Variants in ATRX observed in about 807,000 individuals in gnomAD.
ATRX encodes chromatin remodeler ATRX.
ATRX carries 12 observed loss-of-function variants against 172.6 expected under a neutral mutation model. The observed-to-expected ratio is 0.07, with a 90% confidence interval of 0.04 to 0.11. ATRX has a LOEUF of 0.11. ATRX is among the 10% of genes least tolerant of loss of function. The pLI, the probability that ATRX is intolerant of heterozygous loss-of-function variation, is 1.00. For synonymous variants in ATRX, 674 were observed against 594.7 expected (o/e 1.13, Z -1.94); for missense variants, 1,368 against 1,767.4 (o/e 0.77, Z 4.05).
At chrX:77,617,556 C>T (rs1224769003) in intron 21 of ATRX, among the ~76,000 whole-genome samples, 1 of 111,063 alleles carries the variant, frequency 9.0e-6, no homozygotes, top group Non-Finnish European at 1.9e-5. Context: ...TATAAACATC[C>T]TCCCATATAC....
intron 10 of ATRX, chrX:77,674,726 A>G (rs1429314490): frequency 1.8e-5 from 2 of 111,319 alleles, no homozygotes; most frequent in Non-Finnish European, 3.8e-5. Flanking sequence ...CTCATGATGT[A>G]TAGAAAATCA....
At chrX:77,643,298 C>T (rs990274749) in intron 15 of ATRX, among the ~76,000 whole-genome samples, 9 of 110,749 alleles carry the variant, frequency 8.1e-5, no homozygotes, top group African/African-American at 2.6e-4. Flanking sequence ...ACAACTGCAA[C>T]GTGACTACAG....
At chrX:77,554,643 C>T (rs1424094028) in intron 30 of ATRX, among the ~76,000 whole-genome samples, 18 of 111,738 alleles carry the variant, frequency 1.6e-4, no homozygotes, top group African/African-American at 5.9e-4. Flanking sequence ...CTCATTCACA[C>T]TTGATTCTTC....
chrX:77,671,602 T>C (rs2070621875), intron 10 of ATRX, among the ~76,000 whole-genome samples: 1 of 110,448 alleles, frequency 9.1e-6, no homozygotes, highest in Non-Finnish European at 1.9e-5. Flanking sequence ...TCATATTAAA[T>C]AACTAGTTCA....
At chrX:77,622,550 GAGGGTA>G (rs2067639684) in intron 19 of ATRX, among the ~76,000 whole-genome samples, 1 of 111,607 alleles carries the variant, frequency 9.0e-6, no homozygotes, top group African/African-American at 3.3e-5. Flanking sequence ...CATCAGAGCA[GAGGGTA>G]AAACTCCACA....
chrX:77,778,479 T>C (rs1557203766), intron 1 of ATRX, among the ~76,000 whole-genome samples: 1 of 108,734 alleles, frequency 9.2e-6, no homozygotes, highest in Non-Finnish European at 1.9e-5. Context: ...TCCCAGCACT[T>C]TGGGAGGCCA....
chrX:77,678,469 A>G (rs1489780618), intron 9 of ATRX, among the ~76,000 whole-genome samples: 1 of 111,645 alleles, frequency 9.0e-6, no homozygotes, highest in Non-Finnish European at 1.9e-5. Context: ...GTGTAGCCCC[A>G]TTATAGTTTG....
intron 2 of ATRX, among the ~76,000 whole-genome samples, chrX:77,713,637 G>T (rs912107070): frequency 9.0e-6 from 1 of 111,711 alleles, no homozygotes; most frequent in Non-Finnish European, 1.9e-5. Flanking sequence ...GGAAAAAATT[G>T]TAAGTATATA....
chrX:77,648,522 A>G (rs1233411904), intron 15 of ATRX, among the ~76,000 whole-genome samples: 1 of 111,455 alleles, frequency 9.0e-6, no homozygotes, highest in Non-Finnish European at 1.9e-5. Flanking sequence ...AGAACAGAAA[A>G]TAAGTCCAAA....
chrX:77,735,865 A>G (rs1245950390), intron 1 of ATRX, among the ~76,000 whole-genome samples: 1 of 108,388 alleles, frequency 9.2e-6, no homozygotes, highest in African/African-American at 3.3e-5. Flanking sequence ...TCAGACGGGC[A>G]TGGTGGTGGG....
intron 19 of ATRX, among the ~76,000 whole-genome samples, chrX:77,627,649 G>C (rs2067928106): frequency 9.4e-6 from 1 of 106,253 alleles, no homozygotes; most frequent in Non-Finnish European, 1.9e-5. Context: ...TCTAGGTGTT[G>C]TCAGGAGTTC....
In ATRX at chrX:77,684,610, A is replaced by T. The variant is rs782155630; in HGVS notation, c.663-17T>A. On this transcript the variant is annotated splice_polypyrimidine_tract_variant and intron_variant, in intron 8 of 34. Coordinates refer to ENST00000373344, the MANE Select transcript of ATRX (RefSeq NM_000489.6). ...GCACACCACCTGAAATGTTTTAAAGATTAAAACATTATTCCCTTCTTTCAG... is the reference window on the plus strand; with the variant it reads ...GCACACCACCTGAAATGTTTTAAAGTTTAAAACATTATTCCCTTCTTTCAG... The T allele has an allele frequency of 1.7e-6, 2 of 1,179,569 alleles. No individual in the cohort carries two copies. The highest frequency in any genetic ancestry group is 2.3e-6 in the Non-Finnish European group (2 of 867,478).
intron 27 of ATRX, among the ~76,000 whole-genome samples, chrX:77,587,791 T>C (rs1445479493): frequency 8.9e-6 from 1 of 112,481 alleles, no homozygotes; most frequent in African/African-American, 3.2e-5. Context: ...ATGTATACTC[T>C]GCAAACTATA....
At chrX:77,539,711 A>G (rs1002067186) in intron 30 of ATRX, among the ~76,000 whole-genome samples, 3 of 112,064 alleles carry the variant, frequency 2.7e-5, no homozygotes, top group Non-Finnish European at 5.6e-5. Flanking sequence ...ATATCCAGCT[A>G]AACTAAGCTT....
intron 30 of ATRX, among the ~76,000 whole-genome samples, chrX:77,552,514 C>T (rs1435380013): frequency 5.6e-5 from 6 of 107,667 alleles, no homozygotes; most frequent in African/African-American, 1.0e-4. Flanking sequence ...CTAACCTAGA[C>T]GACGAGTTAA....
intron 19 of ATRX, among the ~76,000 whole-genome samples, chrX:77,628,644 A>G (rs1557104336): frequency 8.9e-6 from 1 of 112,008 alleles, no homozygotes; most frequent in East Asian, 2.8e-4. Flanking sequence ...ACTGGGTCTC[A>G]CACTCTGTGA....
chrX:77,647,303 C>G (rs782620139), intron 15 of ATRX, among the ~76,000 whole-genome samples: 1 of 111,752 alleles, frequency 8.9e-6, no homozygotes, highest in East Asian at 2.8e-4. Flanking sequence ...TAAAGGCATA[C>G]AGTAGAAAAG....
At chrX:77,771,847 G>A (rs1361557713) in intron 1 of ATRX, among the ~76,000 whole-genome samples, 1 of 111,235 alleles carries the variant, frequency 9.0e-6, no homozygotes, top group African/African-American at 3.3e-5. Context: ...CACAACTCAG[G>A]GTAGGGGTGT....
At chrX:77,688,087 G>A (rs1464845188) in intron 7 of ATRX, among the ~76,000 whole-genome samples, 3 of 110,348 alleles carry the variant, frequency 2.7e-5, no homozygotes, top group African/African-American at 3.3e-5. Flanking sequence ...ACAGGGACCC[G>A]CCACCATGCC....
Sources: gnomAD v4.1 joint callset for allele counts (sites outside exome capture counted in the v4.1 genomes callset) on GRCh38, gnomAD v4.1.1 for gene constraint, MANE v1.5 for transcripts, NCBI Gene and HGNC (gene_info 2026-07-23, HGNC 2026-07-21) for gene names.